TFB1M: variants seen among roughly 807,000 people sequenced by gnomAD.
TFB1M encodes transcription factor B1, mitochondrial.
TFB1M carries 27 observed loss-of-function variants against 31.1 expected under a neutral mutation model. That is an observed-to-expected ratio of 0.87 (90% CI 0.64 to 1.20). The LOEUF (loss-of-function observed/expected upper bound fraction) is 1.20, where lower values mean the gene tolerates loss of function less well. Ranked by LOEUF, TFB1M falls within the 50% of genes most tolerant of loss-of-function variation. The pLI is 0.00. For missense variants in TFB1M, 394 were observed against 418.7 expected, an observed-to-expected ratio of 0.94 and a Z score of 0.51; for synonymous variants, 166 against 151.8, an observed-to-expected ratio of 1.09 and a Z score of -0.69.
rs147319822 is a variant in TFB1M at position 155,276,398 on chromosome 6, T to C, written c.666+8760A>G. ...TGTGTAAATAACTGAGTAATGCATA[T>C]GAAATGGAACTTTTGGGTGCCAAAT... On this transcript the variant is annotated intron_variant, in intron 5 of 6. Transcript: ENST00000367166. The C allele has an allele frequency of 2.7e-4, 436 of 1,587,438 alleles. 3 individuals carry two copies. The African/African-American group carries it at 4.8e-3, about 17-fold the overall frequency.
chr6:155,305,152 A>T (rs1327936921), intron 2 of TFB1M, among the ~76,000 whole-genome samples: 1 of 108,760 alleles, frequency 9.2e-6, no homozygotes, highest in Admixed American at 1.4e-4. Flanking sequence ...ATATATATAA[A>T]TATATATTAA....
intron 1 of TFB1M, among the ~76,000 whole-genome samples, chr6:155,311,601 C>T (rs1403262862): frequency 6.6e-6 from 1 of 152,178 alleles, no homozygotes; most frequent in Non-Finnish European, 1.5e-5. Context: ...TTAAATTTAG[C>T]TAATATTGTA....
rs1491077362 is a variant in TFB1M, at chr6:155,305,296, TTA to T, written c.285+5890_285+5891del. Reference sequence around the variant, plus strand: ...TATATATATATATTAAATTATATATTTATATATATAAACATATATTAAATTAT... The same window carrying T: ...TATATATATATATTAAATTATATATTTATATATAAACATATATTAAATTAT... On this transcript the variant is annotated intron_variant, in intron 2 of 6. Coordinates refer to ENST00000367166, the MANE Select transcript of TFB1M (RefSeq NM_016020.4). Among the ~76,000 whole-genome samples, 8 of 37,286 alleles carry T rather than the reference TTA, an allele frequency of 2.1e-4. 2 individuals are homozygous for T. The highest frequency in any genetic ancestry group is 3.3e-4 in the African/African-American group (3 of 9,018). 24.5% of individuals were successfully genotyped at this position (37,286 alleles called of 152,430 possible).
downstream of TFB1M, chr6:155,255,373 A>C (rs1783934843): frequency 6.6e-6 from 1 of 152,118 alleles, no homozygotes; most frequent in Non-Finnish European, 1.5e-5. Flanking sequence ...ATTTCAGCTT[A>C]AGTTTTCAGA....
At chr6:155,314,003 C>T (rs2114826662) in intron 1 of TFB1M, 3 of 906,650 alleles carry the variant, frequency 3.3e-6, no homozygotes, top group Middle Eastern at 7.7e-4. Flanking sequence ...CCAATATTCA[C>T]TAGCGCCTTT....
At chr6:155,297,229 C>T (rs1367751296) in intron 3 of TFB1M, 125 bp from the exon 4 acceptor site, 1 of 1,036,076 alleles carries the variant, frequency 9.7e-7, no homozygotes, top group Non-Finnish European at 1.4e-6. Flanking sequence ...ATAGACATGG[C>T]TAAATTTTTT....
chr6:155,276,819 A>G (rs1055552805), intron 5 of TFB1M, among the ~76,000 whole-genome samples: 5 of 152,358 alleles, frequency 3.3e-5, no homozygotes, highest in Middle Eastern at 3.4e-3. Flanking sequence ...TTTTAAAGCT[A>G]CAGTGTGTGA....
At chr6:155,271,066 T>C (rs996899612) in intron 5 of TFB1M, among the ~76,000 whole-genome samples, 1 of 152,320 alleles carries the variant, frequency 6.6e-6, no homozygotes, top group Admixed American at 6.5e-5. Context: ...AATGCAAAAC[T>C]TAGGATTAAA....
In TFB1M at chr6:155,285,052, T is replaced by G. The variant is rs1321696416; in HGVS notation, c.666+106A>C. On this transcript the variant is annotated intron_variant, in intron 5 of 6. Coordinates refer to ENST00000367166, the MANE Select transcript of TFB1M (RefSeq NM_016020.4). ...TCAGAAGTAAAGTACAGTGTCAGTTTGCACATAAACAAAGGTTAGATCCTA... is the reference window on the plus strand; with the variant it reads ...TCAGAAGTAAAGTACAGTGTCAGTTGGCACATAAACAAAGGTTAGATCCTA... The G allele has an allele frequency of 4.2e-6, 6 of 1,427,770 alleles. No homozygotes were observed. The South Asian group carries it at 4.6e-5, about 11-fold the overall frequency. The allele number at this position is 1,427,770 out of a possible 1,614,324, so 88.4% of individuals were successfully genotyped here. A position where few individuals can be genotyped will look rare whatever the true frequency, so the allele number is the denominator to read the frequency against.
At chr6:155,240,771 G>A in the TFB1M span, 4 of 1,536,272 alleles carry the variant, frequency 2.6e-6, no homozygotes, top group Non-Finnish European at 3.5e-6. Context: ...TGGTATGCTG[G>A]CAGAGGTCCC....
At chr6:155,307,134 CAT>C (rs1486255938) in intron 2 of TFB1M, among the ~76,000 whole-genome samples, 1 of 81,726 alleles carries the variant, frequency 1.2e-5, no homozygotes, top group African/African-American at 3.9e-5. Flanking sequence ...GTCTCAAACA[CAT>C]ACACACACAC....
intron 1 of TFB1M, chr6:155,314,083 C>G (rs897192595): frequency 9.0e-6 from 13 of 1,443,958 alleles, no homozygotes; most frequent in Non-Finnish European, 8.2e-6. Context: ...GCTACACCCC[C>G]CCGAACGCGG....
the TFB1M span, among the ~76,000 whole-genome samples, chr6:155,248,545 A>G: frequency 2.6e-5 from 4 of 152,166 alleles, no homozygotes; most frequent in Non-Finnish European, 5.9e-5. Context: ...CCACTTGGTT[A>G]AGTTTTGTGG....
chr6:155,289,905 T>A (rs150720933), intron 4 of TFB1M, among the ~76,000 whole-genome samples: 193 of 152,174 alleles, frequency 1.3e-3, no homozygotes, highest in African/African-American at 4.5e-3. Flanking sequence ...ACCTCCCCAC[T>A]CTCTTCCTAC....
the TFB1M span, chr6:155,247,946 A>C: frequency 1.3e-6 from 2 of 1,550,110 alleles, no homozygotes; most frequent in Admixed American, 2.0e-5. Flanking sequence ...AGAAATGAAG[A>C]ATTTAATTCA....
At chr6:155,311,419 TA>T in intron 1 of TFB1M, 80 bp from the exon 2 acceptor site, 1 of 1,273,888 alleles carries the variant, frequency 7.8e-7, no homozygotes, top group Admixed American at 1.9e-5. Context: ...AAATCTTCTA[TA>T]AAAATTCAGC....
chr6:155,231,063 G>T, the TFB1M span, among the ~76,000 whole-genome samples: 1 of 151,636 alleles, frequency 6.6e-6, no homozygotes, highest in African/African-American at 2.4e-5. Flanking sequence ...GCTGGTCTCA[G>T]ACTCCTGACA....
rs188074953 is a variant in TFB1M, at chr6:155,269,447, G to A, written c.667-9047C>T. The stretch of plus-strand genomic sequence containing the variant: ...AGCGATTCTCTTGCCTCAGCCTCCC[G>A]AGAAGCTGGGGCTAATGGCATGTGC... On this transcript the variant is annotated intron_variant, in intron 5 of 6. Transcript: ENST00000367166. 9.4e-3 allele frequency among the ~76,000 whole-genome samples: 1,407 copies of A among 150,312 alleles called. 13 individuals are homozygous for A. Among genetic ancestry groups the A allele is most frequent in the South Asian group, 0.025 (116 of 4,730 alleles).
At chr6:155,309,229 A>G (rs1361027477) in intron 2 of TFB1M, among the ~76,000 whole-genome samples, 1 of 152,242 alleles carries the variant, frequency 6.6e-6, no homozygotes, top group African/African-American at 2.4e-5. Context: ...ACACAGATGC[A>G]GAAATAGTGG....
Sources: allele counts gnomAD v4.1 joint callset (sites outside exome capture counted in the v4.1 genomes callset), GRCh38; gene constraint gnomAD v4.1.1; transcripts MANE v1.5; gene names NCBI Gene and HGNC (gene_info 2026-07-23, HGNC 2026-07-21).